CDKL3: variants seen among roughly 807,000 people sequenced by gnomAD.
CDKL3 encodes cyclin dependent kinase like 3.
Under a neutral mutation model 69.3 loss-of-function variants are expected in CDKL3, and 65 were observed. The observed-to-expected ratio is 0.94, with a 90% CI of 0.77 to 1.15. The LOEUF is 1.15. Ranked by LOEUF, CDKL3 falls within the 50% of genes most tolerant of loss-of-function variation. CDKL3 has a pLI of 0.00. For missense variants in CDKL3, 652 were observed against 689.2 expected (o/e 0.95, Z 0.61); for synonymous variants, 202 against 221.6 (o/e 0.91, Z 0.79).
rs1350646320 is a variant in CDKL3, at chr5:134,367,099, T to G, written c.-144A>C. On this transcript the variant is annotated 5_prime_UTR_variant, in exon 1 of 13. Coordinates refer to ENST00000265334, the MANE Select transcript of CDKL3 (RefSeq NM_001113575.2). ...CAGTGGAGCCACCGAACACTGATAC[T>G]ACTTTGTTGCTCAGCCCCGCAAGGA... 2 of 986,054 alleles carry G rather than the reference T, an allele frequency of 2.0e-6. No homozygotes were observed. The highest frequency in any genetic ancestry group is 2.4e-6 in the Non-Finnish European group (2 of 830,486). The allele number at this position is 986,054 out of a possible 1,614,324, so 61.1% of individuals were successfully genotyped here.
At chr5:134,366,314 C>A (rs758908345) in intron 2 of CDKL3, 45 bp downstream of exon 2, 3 of 1,394,086 alleles carry the variant, frequency 2.2e-6, no homozygotes, top group Admixed American at 5.6e-5. Context: ...TATTCCATAA[C>A]AATTTTTTCT....
At chr5:134,369,058 T>A (rs1206111981), upstream of CDKL3, among the ~76,000 whole-genome samples, 1 of 152,144 alleles carries the variant, frequency 6.6e-6, no homozygotes, top group Non-Finnish European at 1.5e-5. Context: ...AGGACAAAGA[T>A]GAACCAAACT....
chr5:134,308,761 T>C, intron 7 of CDKL3, 34 bp from the exon 8 acceptor site: 2 of 1,532,530 alleles, frequency 1.3e-6, no homozygotes, highest in East Asian at 2.3e-5. Context: ...GAGTAATCTT[T>C]TTATATATGC....
chr5:134,290,312 G>C (rs1004699531), intron 8 of CDKL3, among the ~76,000 whole-genome samples: 1 of 132,228 alleles, frequency 7.6e-6, no homozygotes, highest in African/African-American at 2.9e-5. Flanking sequence ...CCGAGATTGC[G>C]CCACTGTACT....
chr5:134,336,618 C>T (rs1777168762), intron 4 of CDKL3, among the ~76,000 whole-genome samples: 1 of 152,182 alleles, frequency 6.6e-6, no homozygotes, highest in South Asian at 2.1e-4. Flanking sequence ...GCTGGAGGTC[C>T]ACTCCAAATC....
chr5:134,308,055 A>G (rs115070772), intron 9 of CDKL3, 83 bp downstream of exon 9: 18,169 of 1,475,766 alleles, frequency 0.012, 135 homozygotes, highest in South Asian at 0.024. Flanking sequence ...CAGTTTACAT[A>G]CAGACACTAT....
chr5:134,293,816 T>G (rs1485020864), downstream of CDKL3, among the ~76,000 whole-genome samples: 1 of 151,714 alleles, frequency 6.6e-6, no homozygotes, highest in African/African-American at 2.4e-5. Context: ...AAAAAATTTT[T>G]TAAATAAAAT....
intron 4 of CDKL3, among the ~76,000 whole-genome samples, chr5:134,335,239 T>C (rs766513450): frequency 2.0e-5 from 3 of 151,992 alleles, no homozygotes; most frequent in Non-Finnish European, 4.4e-5. Context: ...ATGGGTCCCC[T>C]GAATACAGCA....
Position 134,360,080 on chromosome 5 carries a change from G to A in CDKL3, c.177C>T (p.His59=), listed in dbSNP as rs574726359. 1.2e-4 allele frequency: 182 copies of A among 1,532,010 alleles called. No homozygotes were observed. Among genetic ancestry groups the A allele is most frequent in the Non-Finnish European group, 1.4e-4 (165 of 1,141,718 alleles). 94.9% of individuals were successfully genotyped at this position (1,532,010 alleles called of 1,614,324 possible). The change falls in exon 3 of 13, where the codon CAC becomes CAT. Residue 59 remains histidine, a synonymous_variant. Coordinates refer to ENST00000265334, the MANE Select transcript of CDKL3 (RefSeq NM_001113575.2). The stretch of plus-strand genomic sequence containing the variant: ...CTTCAATCAGATTGACCAGGTTTTC[G>A]TGATGAAATTGCTATTGACAAAAGA... ...REIKFLKQFH[H]ENLVNLIEVF...
chr5:134,320,645 G>A (rs1426832191), intron 5 of CDKL3, among the ~76,000 whole-genome samples: 7 of 151,956 alleles, frequency 4.6e-5, no homozygotes, highest in Non-Finnish European at 5.9e-5. Flanking sequence ...CGAGGCCCAG[G>A]TGGGTGGATC....
intron 6 of CDKL3, 192 bp downstream of exon 6, chr5:134,319,166 A>T: frequency 2.4e-6 from 1 of 418,834 alleles, no homozygotes; most frequent in Non-Finnish European, 4.1e-6. Flanking sequence ...CCCCGTCTCT[A>T]CTGAAAATAC....
chr5:134,290,296 A>G (rs1247336808), intron 8 of CDKL3, among the ~76,000 whole-genome samples: 1 of 142,984 alleles, frequency 7.0e-6, no homozygotes, highest in African/African-American at 2.6e-5. Flanking sequence ...GGGAAGTTGC[A>G]GTGAGCCGAG....
At chr5:134,337,342 G>A (rs563232467) in intron 4 of CDKL3, among the ~76,000 whole-genome samples, 5 of 152,120 alleles carry the variant, frequency 3.3e-5, no homozygotes, top group African/African-American at 7.2e-5. Context: ...GCTTCGGCTC[G>A]CCCTCTGTGG....
intron 4 of CDKL3, among the ~76,000 whole-genome samples, chr5:134,336,075 C>T (rs916479614): frequency 2.6e-5 from 4 of 152,130 alleles, no homozygotes; most frequent in Non-Finnish European, 5.9e-5. Context: ...TTAATTTGAT[C>T]TTCAATCACT....
At chr5:134,296,348 G>C (rs1289830256), downstream of CDKL3, among the ~76,000 whole-genome samples, 9 of 152,188 alleles carry the variant, frequency 5.9e-5, no homozygotes, top group Admixed American at 5.9e-4. Context: ...TCTTCAAAGA[G>C]GAAAAGAGCA....
At chr5:134,342,237 A>C (rs1750669834) in intron 4 of CDKL3, among the ~76,000 whole-genome samples, 1 of 152,226 alleles carries the variant, frequency 6.6e-6, no homozygotes, top group South Asian at 2.1e-4. Flanking sequence ...AAAGAATAAG[A>C]TACTTAAGAA....
chr5:134,327,098 A>T (rs917977093), intron 4 of CDKL3, among the ~76,000 whole-genome samples: 4 of 151,326 alleles, frequency 2.6e-5, no homozygotes, highest in Non-Finnish European at 1.5e-5. Context: ...GTGGAACTTC[A>T]CCATTTCTCA....
chr5:134,346,929 C>G (rs1004852584), intron 4 of CDKL3, among the ~76,000 whole-genome samples: 7 of 152,160 alleles, frequency 4.6e-5, no homozygotes, highest in African/African-American at 1.7e-4. Flanking sequence ...CTGTTGGAGC[C>G]AATTCATCTT....
chr5:134,300,815 G>A (rs1766111812), intron 12 of CDKL3, among the ~76,000 whole-genome samples: 2 of 152,080 alleles, frequency 1.3e-5, no homozygotes, highest in Non-Finnish European at 2.9e-5. Flanking sequence ...ACAGGACAAT[G>A]GGATAAACAC....
Sources: allele counts gnomAD v4.1 joint callset (sites outside exome capture counted in the v4.1 genomes callset), GRCh38; gene constraint gnomAD v4.1.1; transcripts MANE v1.5; gene names NCBI Gene and HGNC (gene_info 2026-07-23, HGNC 2026-07-21).